The following PSPC1 variants were observed in gnomAD, a reference collection of about 807,000 sequenced individuals.
PSPC1 encodes paraspeckle protein 1.
A neutral mutation model predicts 51.6 loss-of-function variants in PSPC1; 14 were observed. The observed-to-expected ratio is 0.27, with a 90% CI of 0.18 to 0.42. The LOEUF (loss-of-function observed/expected upper bound fraction) is 0.42. Among genes scored for constraint, PSPC1 ranks in the 10% least tolerant of loss-of-function variants. The pLI is 1.00. For synonymous variants in PSPC1, 193 were observed against 231.9 expected (o/e 0.83, Z 1.53); for missense variants, 406 against 701.1 (o/e 0.58, Z 4.75).
At chr13:19,673,178 A>C (rs994231490), downstream of PSPC1, 6 of 450,172 alleles carry the variant, frequency 1.3e-5, no homozygotes, top group Non-Finnish European at 2.7e-5. Flanking sequence ...TAACAGCCAA[A>C]CCTGGCTGTC....
Position 19,711,663 on chromosome 13 carries a change from A to C in PSPC1, c.1159-2064T>G, listed in dbSNP as rs1187360663. Reference sequence around the variant, plus strand: ...ATAAAAAAAAAAAAAAAAAAAAAAGAAACCCCATCTCTACTAATAATACAA... The same window carrying C: ...ATAAAAAAAAAAAAAAAAAAAAAAGCAACCCCATCTCTACTAATAATACAA... On this transcript the variant is annotated intron_variant, in intron 6 of 8. Coordinates refer to ENST00000338910, the MANE Select transcript of PSPC1 (RefSeq NM_001354909.2). Among the ~76,000 whole-genome samples, 4 of 140,688 alleles carry C rather than the reference A, an allele frequency of 2.8e-5. No homozygotes were observed. In the Admixed American group the frequency reaches 2.9e-4, roughly 10 times the overall value. 92.3% of individuals were successfully genotyped at this position (140,688 alleles called of 152,430 possible). A position where few individuals can be genotyped will look rare whatever the true frequency, so the allele number is the denominator to read the frequency against.
chr13:19,779,279 T>TGGGG, intron 1 of PSPC1, among the ~76,000 whole-genome samples: 1 of 32,652 alleles, frequency 3.1e-5, no homozygotes, highest in East Asian at 1.9e-3. Flanking sequence ...GGGAGGGAGG[T>TGGGG]GGGGGGGGTC....
intron 6 of PSPC1, among the ~76,000 whole-genome samples, chr13:19,690,289 T>C (rs1308331368): frequency 6.6e-6 from 1 of 152,226 alleles, no homozygotes; most frequent in African/African-American, 2.4e-5. Flanking sequence ...TGAAGAAGTA[T>C]ATATAGTGAT....
intron 3 of PSPC1, among the ~76,000 whole-genome samples, chr13:19,758,690 T>C (rs912415053): frequency 2.0e-5 from 3 of 150,700 alleles, no homozygotes; most frequent in African/African-American, 7.3e-5. Context: ...AAAAAATTAG[T>C]CGGGCGTGGT....
chr13:19,715,779 T>C (rs1008619047), intron 6 of PSPC1, among the ~76,000 whole-genome samples: 2 of 152,024 alleles, frequency 1.3e-5, no homozygotes, highest in Non-Finnish European at 2.9e-5. Flanking sequence ...TTTGGGAGGC[T>C]GAGGCGGATG....
downstream of PSPC1, among the ~76,000 whole-genome samples, chr13:19,700,400 G>C (rs1469718926): frequency 1.3e-5 from 2 of 151,822 alleles, no homozygotes; most frequent in African/African-American, 2.4e-5. Context: ...GATATTTCAG[G>C]GTTAAAAATA....
At chr13:19,777,240 G>C (rs2138354171) in intron 1 of PSPC1, among the ~76,000 whole-genome samples, 1 of 151,118 alleles carries the variant, frequency 6.6e-6, no homozygotes, top group East Asian at 2.0e-4. Flanking sequence ...GACCAGCCTG[G>C]CCAACATGGT....
downstream of PSPC1, among the ~76,000 whole-genome samples, chr13:19,674,157 T>C (rs999041407): frequency 6.6e-6 from 1 of 152,190 alleles, no homozygotes; most frequent in Non-Finnish European, 1.5e-5. Flanking sequence ...AAGGACAACA[T>C]AACTTGGCTA....
At chr13:19,767,696 G>A (rs1336469732) in intron 2 of PSPC1, among the ~76,000 whole-genome samples, 1 of 151,738 alleles carries the variant, frequency 6.6e-6, no homozygotes, top group Non-Finnish European at 1.5e-5. Context: ...TCAATTAATG[G>A]TGCTGGAACA....
intron 6 of PSPC1, among the ~76,000 whole-genome samples, chr13:19,728,549 C>G (rs1470758370): frequency 1.3e-5 from 2 of 151,452 alleles, no homozygotes; most frequent in African/African-American, 4.9e-5. Context: ...AGAACAACTG[C>G]CAGAATGGCC....
chr13:19,782,238 C>T lies in PSPC1; in HGVS notation c.372+148G>A. On this transcript the variant is annotated intron_variant, in intron 1 of 8. Coordinates refer to ENST00000338910, the MANE Select transcript of PSPC1 (RefSeq NM_001354909.2). The surrounding 1 kb of genome is among the most constrained non-coding windows in gnomAD (Gnocchi z 4.5). ...GGCGCCGAGCTGGGGAAGCGGCCAA[C>T]CCCGCACAGAGGAATCGATGAGGCC... 2 of 1,296,084 alleles carry T rather than the reference C, an allele frequency of 1.5e-6. No homozygotes were observed. Among genetic ancestry groups the T allele is most frequent in the Non-Finnish European group, 2.0e-6 (2 of 982,646 alleles). 80.3% of individuals were successfully genotyped at this position (1,296,084 alleles called of 1,614,324 possible).
At chr13:19,711,472 T>G (rs773320560) in intron 6 of PSPC1, among the ~76,000 whole-genome samples, 3 of 151,448 alleles carry the variant, frequency 2.0e-5, no homozygotes, top group Non-Finnish European at 4.4e-5. Flanking sequence ...CCGTTTCTAC[T>G]AAAAATACAA....
At chr13:19,711,770 G>A (rs1185010107) in intron 6 of PSPC1, among the ~76,000 whole-genome samples, 1 of 151,278 alleles carries the variant, frequency 6.6e-6, no homozygotes, top group Non-Finnish European at 1.5e-5. Context: ...CTTGAACCCA[G>A]GAGGCGGGGG....
At chr13:19,764,164 A>G (rs754931138) in intron 2 of PSPC1, among the ~76,000 whole-genome samples, 31 of 152,198 alleles carry the variant, frequency 2.0e-4, no homozygotes, top group Non-Finnish European at 3.4e-4. Flanking sequence ...CAAGTATTGC[A>G]GAAGAAACAA....
chr13:19,689,655 T>A (rs1565960975), intron 6 of PSPC1, among the ~76,000 whole-genome samples: 1 of 152,192 alleles, frequency 6.6e-6, no homozygotes, highest in Non-Finnish European at 1.5e-5. Flanking sequence ...GGCATTCCCA[T>A]TCTTCCTAAC....
intron 3 of PSPC1, among the ~76,000 whole-genome samples, chr13:19,754,626 GAC>G (rs1886892446): frequency 6.6e-6 from 1 of 150,494 alleles, no homozygotes; most frequent in Non-Finnish European, 1.5e-5. Flanking sequence ...TTTTAGTAGA[GAC>G]AGGGTTTCAC....
chr13:19,766,521 C>T (rs1159106947), intron 2 of PSPC1, among the ~76,000 whole-genome samples: 1 of 151,936 alleles, frequency 6.6e-6, no homozygotes, highest in Non-Finnish European at 1.5e-5. Flanking sequence ...GGCGAAAATA[C>T]AAAAAGTAAA....
intron 6 of PSPC1, among the ~76,000 whole-genome samples, chr13:19,684,259 T>G (rs995884221): frequency 6.6e-6 from 1 of 152,210 alleles, no homozygotes; most frequent in African/African-American, 2.4e-5. Context: ...AGAAAAAAAC[T>G]ACCATTGATC....
downstream of PSPC1, among the ~76,000 whole-genome samples, chr13:19,700,647 A>C (rs1292994630): frequency 6.6e-6 from 1 of 152,122 alleles, no homozygotes; most frequent in Non-Finnish European, 1.5e-5. Flanking sequence ...CCTTTATTTT[A>C]TACACACTAA....
Sources: allele counts gnomAD v4.1 joint callset (sites outside exome capture counted in the v4.1 genomes callset), GRCh38; gene constraint gnomAD v4.1.1; non-coding constraint Gnocchi (gnomAD v3.1); transcripts MANE v1.5; gene names NCBI Gene and HGNC (gene_info 2026-07-23, HGNC 2026-07-21).